The following CTTNBP2 variants were observed in gnomAD, a reference collection of about 807,000 sequenced individuals.
CTTNBP2 encodes the protein cortactin binding protein 2, also known as cortactin-binding protein 2.
Under a neutral mutation model 156.9 loss-of-function variants are expected in CTTNBP2, and 108 were observed. The observed-to-expected ratio is 0.69, with a 90% CI of 0.59 to 0.81. CTTNBP2 has a LOEUF of 0.81. Among genes scored for constraint, CTTNBP2 ranks in the 30% least tolerant of loss-of-function variants. The pLI is 0.00. For synonymous variants in CTTNBP2, 767 were observed against 751.8 expected (o/e 1.02, Z -0.33); for missense variants, 1,924 against 2,035.4 (o/e 0.95, Z 1.05).
rs1799010801 is a variant in CTTNBP2, at chr7:117,791,534, T to C, written c.1662A>G (p.Gln554=). 6.2e-7 allele frequency: 1 copy of C among 1,614,054 alleles called. No homozygotes were observed. Among genetic ancestry groups the C allele is most frequent in the Non-Finnish European group, 8.5e-7 (1 of 1,179,986 alleles). Residue 554 remains glutamine (Q), a synonymous_variant, in exon 4 of 23, where the codon CAA becomes CAG. Coordinates refer to ENST00000160373, the MANE Select transcript of CTTNBP2 (RefSeq NM_033427.3). The part of the protein sequence containing the change: ...PIPPKKPGLS[Q]TPSPPHPQLK... ...GTTGGGGGTGTGGTGGAGAAGGAGT[T>C]TGGGAGAGCCCTGGCTTTTTTGGAG...
At chr7:117,854,689 T>C (rs1008542053) in intron 2 of CTTNBP2, among the ~76,000 whole-genome samples, 3 of 152,236 alleles carry the variant, frequency 2.0e-5, no homozygotes, top group Admixed American at 6.5e-5. Context: ...TTTAAAGGTA[T>C]ACTTTTTCAA....
chr7:117,870,754 T>C (rs1804537405), intron 1 of CTTNBP2, among the ~76,000 whole-genome samples: 1 of 152,230 alleles, frequency 6.6e-6, no homozygotes, highest in Non-Finnish European at 1.5e-5. Context: ...TCATCACATT[T>C]GGCTAAGGCA....
intron 3 of CTTNBP2, among the ~76,000 whole-genome samples, chr7:117,793,934 C>T (rs930840215): frequency 2.0e-5 from 3 of 152,164 alleles, no homozygotes; most frequent in African/African-American, 7.2e-5. Context: ...CCTCACCACC[C>T]TGTGGGAAAT....
chr7:117,849,995 C>G (rs1802834459), intron 2 of CTTNBP2, among the ~76,000 whole-genome samples: 1 of 152,206 alleles, frequency 6.6e-6, no homozygotes, highest in Non-Finnish European at 1.5e-5. Context: ...ACAACAGTAC[C>G]TACTTCCAGG....
chr7:117,803,482 A>C (rs1330936378), intron 3 of CTTNBP2, among the ~76,000 whole-genome samples: 1 of 152,220 alleles, frequency 6.6e-6, no homozygotes, highest in Admixed American at 6.5e-5. Context: ...ACTCAGCATC[A>C]TACGATATGC....
intron 2 of CTTNBP2, among the ~76,000 whole-genome samples, chr7:117,825,708 T>A (rs1184287492): frequency 4.6e-5 from 7 of 152,038 alleles, no homozygotes; most frequent in Admixed American, 4.6e-4. Context: ...CTTCATCAGT[T>A]ACATGAAGGC....
At chr7:117,837,643 C>T (rs546491793) in intron 2 of CTTNBP2, among the ~76,000 whole-genome samples, 1 of 152,118 alleles carries the variant, frequency 6.6e-6, no homozygotes, top group African/African-American at 2.4e-5. Context: ...GTCATATACA[C>T]CTTATACACA....
At chr7:117,805,579 C>T (rs953076576) in intron 3 of CTTNBP2, among the ~76,000 whole-genome samples, 1 of 152,166 alleles carries the variant, frequency 6.6e-6, no homozygotes, top group African/African-American at 2.4e-5. Context: ...GCATACACTG[C>T]GAGCTCATTA....
At position 117,799,058 on chromosome 7, in the gene CTTNBP2, A is replaced by G. The variant is rs1310244677; in HGVS notation, c.415-6277T>C. ...CACGATTAAAAACTTCTTCCCAAAG[A>G]AAACTCCTAGCTTATAAGGCTGTAC... On this transcript the variant is annotated intron_variant, in intron 3 of 22. Coordinates refer to ENST00000160373, the MANE Select transcript of CTTNBP2 (RefSeq NM_033427.3). Among the ~76,000 whole-genome samples the G allele has an allele frequency of 3.9e-5, 6 of 152,072 alleles. No individual in the cohort carries two copies. The East Asian group carries it at 1.2e-3, about 29-fold the overall frequency.
At chr7:117,836,490 G>A (rs1801947679) in intron 2 of CTTNBP2, among the ~76,000 whole-genome samples, 1 of 152,192 alleles carries the variant, frequency 6.6e-6, no homozygotes, top group African/African-American at 2.4e-5. Context: ...CATGAACCCA[G>A]AGGCGGAGCT....
intron 2 of CTTNBP2, among the ~76,000 whole-genome samples, chr7:117,835,255 T>G (rs187482283): frequency 6.6e-6 from 1 of 152,214 alleles, no homozygotes; most frequent in Admixed American, 6.5e-5. Context: ...CTTGTCCACA[T>G]GAAAGATATG....
chr7:117,759,410 C>A (rs114820015), intron 10 of CTTNBP2, among the ~76,000 whole-genome samples: 1 of 152,028 alleles, frequency 6.6e-6, no homozygotes, highest in Admixed American at 6.6e-5. Flanking sequence ...CCATGCACAG[C>A]CAATAATAGT....
chr7:117,797,981 T>C (rs1414292093), intron 3 of CTTNBP2, among the ~76,000 whole-genome samples: 1 of 152,076 alleles, frequency 6.6e-6, no homozygotes, highest in Non-Finnish European at 1.5e-5. Context: ...CAGAAAAATA[T>C]AAAGTTATAC....
intron 2 of CTTNBP2, among the ~76,000 whole-genome samples, chr7:117,819,074 G>C (rs936760489): frequency 2.0e-5 from 3 of 152,018 alleles, no homozygotes; most frequent in Non-Finnish European, 2.9e-5. Context: ...AAATCAAAAA[G>C]GATAGAAAAT....
At chr7:117,747,289 G>T (rs1468193020) in intron 12 of CTTNBP2, among the ~76,000 whole-genome samples, 1 of 152,112 alleles carries the variant, frequency 6.6e-6, no homozygotes, top group African/African-American at 2.4e-5. Flanking sequence ...CTCTGATGAG[G>T]TTGTCCCTTT....
At chr7:117,718,217 C>G (rs1383967383) in intron 21 of CTTNBP2, 98 bp from the exon 22 acceptor site, 17 of 697,558 alleles carry the variant, frequency 2.4e-5, no homozygotes, top group Non-Finnish European at 4.3e-5. Flanking sequence ...AGAAGTGTTA[C>G]TCTTATCCTC....
chr7:117,827,102 GC>G (rs1331350757), intron 2 of CTTNBP2, among the ~76,000 whole-genome samples: 1 of 152,008 alleles, frequency 6.6e-6, no homozygotes, highest in Non-Finnish European at 1.5e-5. Flanking sequence ...TAATTGATCT[GC>G]CTGCCTCAGC....
chr7:117,872,829 C>G (rs942798969), intron 1 of CTTNBP2, among the ~76,000 whole-genome samples: 2 of 152,178 alleles, frequency 1.3e-5, no homozygotes, highest in Admixed American at 1.3e-4. Context: ...GGACCAGATG[C>G]ACACAATGGG....
intron 4 of CTTNBP2, among the ~76,000 whole-genome samples, chr7:117,789,651 A>G (rs1197592466): frequency 6.6e-6 from 1 of 152,232 alleles, no homozygotes; most frequent in Admixed American, 6.5e-5. Context: ...TCAATTCCAT[A>G]GCAAATTCTC....
Sources: allele counts gnomAD v4.1 joint callset (sites outside exome capture counted in the v4.1 genomes callset), GRCh38; gene constraint gnomAD v4.1.1; transcripts MANE v1.5; gene names NCBI Gene and HGNC (gene_info 2026-07-23, HGNC 2026-07-21).